Variants in DOK6 observed in about 807,000 individuals in gnomAD.
The protein encoded by DOK6 is docking protein 6, also known as downstream of tyrosine kinase 6.
Under a neutral mutation model 44.0 loss-of-function variants are expected in DOK6, and 22 were observed. That is an observed-to-expected ratio of 0.50 (90% CI 0.36 to 0.71). The LOEUF (loss-of-function observed/expected upper bound fraction) is 0.71, where lower values mean the gene tolerates loss of function less well. DOK6 is among the 30% of genes least tolerant of loss of function. DOK6 has a pLI of 0.00. For synonymous variants in DOK6, 166 were observed against 145.5 expected (o/e 1.14, Z -1.01); for missense variants, 340 against 416.4 (o/e 0.82, Z 1.60).
intron 3 of DOK6, among the ~76,000 whole-genome samples, chr18:69,612,217 T>TAAAAAA (rs33970961): frequency 1.1e-4 from 17 of 150,000 alleles, no homozygotes; most frequent in African/African-American, 4.1e-4. Flanking sequence ...ATATTTAAGT[T>TAAAAAA]AAAAAAAACC....
chr18:69,433,644 C>T (rs1056173322), intron 1 of DOK6, among the ~76,000 whole-genome samples: 1 of 151,840 alleles, frequency 6.6e-6, no homozygotes, highest in Non-Finnish European at 1.5e-5. Context: ...AAGCTTTGCA[C>T]TGTCTGTGTC....
At chr18:69,693,058 T>C (rs1035641186) in intron 4 of DOK6, among the ~76,000 whole-genome samples, 1 of 152,200 alleles carries the variant, frequency 6.6e-6, no homozygotes, top group Non-Finnish European at 1.5e-5. Flanking sequence ...TGAGCCATTT[T>C]TGGCTTTTAA....
At position 69,843,098 on chromosome 18, in the gene DOK6, C is replaced by G. The variant is rs1009403048; in HGVS notation, c.*1715C>G. ...ATAAATGTGCACTTACAGCAACTAC[C>G]TAGGCTCTCCAAATCACTCCACTCG... On this transcript the variant is annotated 3_prime_UTR_variant, in exon 8 of 8. Coordinates refer to ENST00000382713, the MANE Select transcript of DOK6 (RefSeq NM_152721.6). The G allele has an allele frequency of 1.3e-5, 2 of 152,086 alleles. No homozygotes were observed. The highest frequency in any genetic ancestry group is 2.4e-5 in the African/African-American group (1 of 41,410). The allele number at this position is 152,086 out of a possible 1,614,324, so 9.4% of individuals were successfully genotyped here.
chr18:69,543,096 A>G (rs17081197), intron 1 of DOK6, among the ~76,000 whole-genome samples: 8,439 of 151,506 alleles, frequency 0.056, 806 homozygotes, highest in African/African-American at 0.19. Flanking sequence ...AGACCCCGTA[A>G]TGGCCTTAGA....
At chr18:69,466,893 T>A (rs1979944513) in intron 1 of DOK6, among the ~76,000 whole-genome samples, 1 of 152,144 alleles carries the variant, frequency 6.6e-6, no homozygotes, top group African/African-American at 2.4e-5. Flanking sequence ...TGTTGAATAA[T>A]CCAAGTTACT....
chr18:69,564,468 T>C lies in DOK6; in HGVS notation c.67-19T>C. On this transcript the variant is annotated intron_variant, in intron 1 of 7. Transcript: ENST00000382713. ...TCATGTAAAAATATGGATAATGGGATTCCTTTATTTGCTTTCAGATTTTCA... is the reference window on the plus strand; with the variant it reads ...TCATGTAAAAATATGGATAATGGGACTCCTTTATTTGCTTTCAGATTTTCA... 1.2e-6 allele frequency: 2 copies of C among 1,607,574 alleles called. No individual in the cohort carries two copies. Among genetic ancestry groups the C allele is most frequent in the Non-Finnish European group, 1.7e-6 (2 of 1,174,864 alleles).
chr18:69,827,831 A>G (rs985878457), intron 7 of DOK6, among the ~76,000 whole-genome samples: 1 of 152,028 alleles, frequency 6.6e-6, no homozygotes, highest in African/African-American at 2.4e-5. Flanking sequence ...TATATTGCGC[A>G]GAGAAGTCTC....
chr18:69,616,581 A>G (rs1984289686), intron 3 of DOK6, among the ~76,000 whole-genome samples: 1 of 151,992 alleles, frequency 6.6e-6, no homozygotes, highest in Admixed American at 6.6e-5. Flanking sequence ...AGAATTTAGA[A>G]ACTACTTTTT....
At chr18:69,565,478 T>C (rs1334457512) in intron 2 of DOK6, among the ~76,000 whole-genome samples, 1 of 9,454 alleles carries the variant, frequency 1.1e-4, no homozygotes, top group Non-Finnish European at 6.5e-4. Context: ...TCTCTACGTG[T>C]GTGTGTGTGT....
At chr18:69,517,281 G>T (rs892975997) in intron 1 of DOK6, among the ~76,000 whole-genome samples, 1 of 152,102 alleles carries the variant, frequency 6.6e-6, no homozygotes, top group Admixed American at 6.5e-5. Context: ...GAGTGAATTA[G>T]ATCTCCATAT....
intron 6 of DOK6, among the ~76,000 whole-genome samples, chr18:69,743,745 C>G (rs1198503709): frequency 6.6e-6 from 1 of 150,710 alleles, no homozygotes; most frequent in African/African-American, 2.4e-5. Context: ...CAGTAATTTC[C>G]AATCTTCTAA....
chr18:69,594,347 T>G (rs894546348), intron 2 of DOK6, among the ~76,000 whole-genome samples: 1 of 151,986 alleles, frequency 6.6e-6, no homozygotes, highest in African/African-American at 2.4e-5. Flanking sequence ...TGTATTTTTA[T>G]ATATAAGCAA....
chr18:69,797,135 C>T (rs79712099), intron 7 of DOK6, among the ~76,000 whole-genome samples: 7,340 of 152,186 alleles, frequency 0.048, 591 homozygotes, highest in African/African-American at 0.17. Flanking sequence ...ATACTTTACA[C>T]CTGCACAAAA....
intron 1 of DOK6, among the ~76,000 whole-genome samples, chr18:69,519,585 A>C (rs778829212): frequency 6.6e-5 from 10 of 152,114 alleles, no homozygotes; most frequent in South Asian, 2.1e-4. Flanking sequence ...AAAGAGTTCC[A>C]TAATTATTAG....
intron 4 of DOK6, among the ~76,000 whole-genome samples, chr18:69,687,555 G>A (rs1195346240): frequency 3.3e-5 from 5 of 152,044 alleles, no homozygotes; most frequent in African/African-American, 9.7e-5. Flanking sequence ...GGTGGCGGGC[G>A]CCTGAAGTCC....
chr18:69,466,229 T>C (rs1237259747), intron 1 of DOK6, among the ~76,000 whole-genome samples: 1 of 152,212 alleles, frequency 6.6e-6, no homozygotes, highest in Non-Finnish European at 1.5e-5. Flanking sequence ...ATGAGTTTGA[T>C]TTTTGTACAT....
At chr18:69,721,276 G>A (rs1390428520) in intron 5 of DOK6, 1 of 152,130 alleles carries the variant, frequency 6.6e-6, no homozygotes. Context: ...AGAAATATAT[G>A]CTTAATTATT....
chr18:69,492,966 A>G lies in DOK6; in HGVS notation c.67-71521A>G, dbSNP rs561719400. On this transcript the variant is annotated intron_variant, in intron 1 of 7. Coordinates refer to ENST00000382713, the MANE Select transcript of DOK6 (RefSeq NM_152721.6). ...CTTTTCAAATGAGAATAGTAATACT[A>G]CCTGCCTTATATTTAAGAATCTTAA... Among the ~76,000 whole-genome samples, 12 of 152,026 alleles carry G rather than the reference A, an allele frequency of 7.9e-5. No homozygotes were observed. The South Asian group carries it at 2.5e-3, about 32-fold the overall frequency.
rs1319278825 is a variant in DOK6 at position 69,564,604 on chromosome 18, A to T, written c.174+10A>T. The stretch of plus-strand genomic sequence containing the variant: ...CAGAAACTTTCATAAGGTAAGTCAC[A>T]GTCCTGGGAGTCCCTGGGGAATAAC... On this transcript the variant is annotated intron_variant, in intron 2 of 7. Transcript: ENST00000382713. 6.3e-7 allele frequency: 1 copy of T among 1,596,304 alleles called. No homozygotes were observed.
Sources: gnomAD v4.1 joint callset for allele counts (sites outside exome capture counted in the v4.1 genomes callset) on GRCh38, gnomAD v4.1.1 for gene constraint, MANE v1.5 for transcripts, NCBI Gene and HGNC (gene_info 2026-07-23, HGNC 2026-07-21) for gene names.